FBXL13: variants seen among roughly 807,000 people sequenced by gnomAD.
FBXL13 encodes F-box and leucine-rich repeat protein 13.
In FBXL13, 67 loss-of-function variants were observed where a neutral mutation model predicts 83.6. That is an observed-to-expected ratio of 0.80 (90% CI 0.66 to 0.98). The LOEUF (loss-of-function observed/expected upper bound fraction) is 0.98, where lower values mean the gene tolerates loss of function less well. Among genes scored for constraint, FBXL13 ranks in the 50% least tolerant of loss-of-function variants. The pLI, the probability that FBXL13 is intolerant of heterozygous loss-of-function variation, is 0.00. For synonymous variants in FBXL13, 272 were observed against 299.5 expected (o/e 0.91, Z 0.95); for missense variants, 822 against 866.5 (o/e 0.95, Z 0.64).
Position 102,976,007 on chromosome 7 carries a change from C to T in FBXL13, c.496-7890G>A, listed in dbSNP as rs1281936083. 3.9e-6 allele frequency: 3 copies of T among 766,450 alleles called. No individual in the cohort carries two copies. In the East Asian group the frequency reaches 7.3e-5, roughly 19 times the overall value. 47.5% of individuals were successfully genotyped at this position (766,450 alleles called of 1,614,324 possible). ...GCCACTGGCCCACACAATGCCCAAA[C>T]CCAGGTAAACCCACGAGGCCATGCC... is the stretch of plus-strand genomic sequence containing the variant. On this transcript the variant is annotated intron_variant, in intron 6 of 19. Transcript: ENST00000313221.
At chr7:103,054,650 G>A (rs187228735) in intron 2 of FBXL13, among the ~76,000 whole-genome samples, 11 of 152,176 alleles carry the variant, frequency 7.2e-5, no homozygotes, top group Admixed American at 3.9e-4. Flanking sequence ...ATGTCATTAC[G>A]AGCATGATTC....
intron 17 of FBXL13, among the ~76,000 whole-genome samples, chr7:102,849,363 C>CT (rs557744738): frequency 6.6e-6 from 1 of 152,232 alleles, no homozygotes; most frequent in Non-Finnish European, 1.5e-5. Flanking sequence ...GACACTGACT[C>CT]TGCGTGTGCT....
intron 16 of FBXL13, among the ~76,000 whole-genome samples, chr7:102,876,048 G>C (rs545637280): frequency 6.6e-6 from 1 of 152,310 alleles, no homozygotes; most frequent in South Asian, 2.1e-4. Flanking sequence ...AGCAAGGGGA[G>C]GGTGAGTCAT....
At chr7:102,865,993 CAATT>C (rs1322643982) in intron 16 of FBXL13, among the ~76,000 whole-genome samples, 1 of 152,140 alleles carries the variant, frequency 6.6e-6, no homozygotes, top group African/African-American at 2.4e-5. Context: ...TCTACTTAAT[CAATT>C]GTTAGTATGA....
chr7:102,976,236 C>T (rs1305735553), intron 6 of FBXL13: 2 of 729,344 alleles, frequency 2.7e-6, no homozygotes, highest in Non-Finnish European at 5.1e-6. Flanking sequence ...GGCAGGTAGG[C>T]CAGTATGTTT....
chr7:102,948,307 G>A (rs537570585), intron 8 of FBXL13, among the ~76,000 whole-genome samples: 32 of 152,044 alleles, frequency 2.1e-4, no homozygotes, highest in African/African-American at 7.0e-4. Context: ...CAAATGATCC[G>A]CCCACCTCAG....
Position 102,865,524 on chromosome 7 carries a change from G to C in FBXL13, c.1636-10664C>G, listed in dbSNP as rs530545677. ...CAATATTTTATTTACTTATTTTTGTGTTTTTTTTGTTTGATTGTTTGTTTT... is the reference window on the plus strand; with the variant it reads ...CAATATTTTATTTACTTATTTTTGTCTTTTTTTTGTTTGATTGTTTGTTTT... On this transcript the variant is annotated intron_variant, in intron 16 of 19. Transcript: ENST00000313221. 3.3e-5 allele frequency among the ~76,000 whole-genome samples: 5 copies of C among 151,202 alleles called. No individual in the cohort carries two copies. The East Asian group carries it at 9.7e-4, about 29-fold the overall frequency.
chr7:102,910,447 G>A (rs1814474107), intron 11 of FBXL13, among the ~76,000 whole-genome samples: 1 of 151,182 alleles, frequency 6.6e-6, no homozygotes, highest in Non-Finnish European at 1.5e-5. Context: ...TGCTGTATGC[G>A]ATGCCTGGGA....
chr7:102,887,999 A>T (rs970823794), intron 11 of FBXL13, among the ~76,000 whole-genome samples: 6 of 152,248 alleles, frequency 3.9e-5, no homozygotes, highest in Non-Finnish European at 7.3e-5. Context: ...GCCCTTGGAC[A>T]GTTTTTGAAT....
intron 2 of FBXL13, among the ~76,000 whole-genome samples, chr7:103,051,888 G>C (rs894958553): frequency 1.3e-5 from 2 of 152,196 alleles, no homozygotes; most frequent in Non-Finnish European, 2.9e-5. Flanking sequence ...GCTGGGATTG[G>C]CCAAGTCTCA....
At chr7:102,955,206 T>C (rs1824056799) in intron 8 of FBXL13, among the ~76,000 whole-genome samples, 2 of 152,196 alleles carry the variant, frequency 1.3e-5, no homozygotes, top group Non-Finnish European at 2.9e-5. Flanking sequence ...CAGACCACAG[T>C]GTAATCAAAT....
At chr7:102,816,450 T>C (rs1473456148) in intron 19 of FBXL13, among the ~76,000 whole-genome samples, 2 of 152,164 alleles carry the variant, frequency 1.3e-5, no homozygotes, top group African/African-American at 2.4e-5. Flanking sequence ...AGAAAATCCT[T>C]AGCCGTGACT....
At chr7:102,900,534 T>C (rs1360046826) in intron 11 of FBXL13, among the ~76,000 whole-genome samples, 3 of 152,188 alleles carry the variant, frequency 2.0e-5, no homozygotes, top group Admixed American at 2.0e-4. Context: ...CATCTATGAA[T>C]TGTCAATTTT....
chr7:102,852,706 G>A (rs1229073781), intron 17 of FBXL13, among the ~76,000 whole-genome samples: 1 of 152,310 alleles, frequency 6.6e-6, no homozygotes, highest in Non-Finnish European at 1.5e-5. Flanking sequence ...TGGCAGGGAT[G>A]CAGTGAAAAG....
chr7:102,951,766 G>A (rs544050284), intron 8 of FBXL13, among the ~76,000 whole-genome samples: 1 of 134,090 alleles, frequency 7.5e-6, no homozygotes, highest in Non-Finnish European at 1.5e-5. Context: ...GATCATGCCA[G>A]TGTACTCCAG....
intron 6 of FBXL13, among the ~76,000 whole-genome samples, chr7:103,017,491 T>C (rs1276263534): frequency 6.6e-6 from 1 of 152,090 alleles, no homozygotes; most frequent in Non-Finnish European, 1.5e-5. Flanking sequence ...CTTTGACAAG[T>C]TGAGAGAAGA....
chr7:102,854,741 T>G (rs1194220199), intron 17 of FBXL13, 36 bp downstream of exon 18: 1 of 1,316,270 alleles, frequency 7.6e-7, no homozygotes, highest in Non-Finnish European at 1.0e-6. Context: ...AAAATTTCAA[T>G]CTTAATTCTT....
intron 11 of FBXL13, among the ~76,000 whole-genome samples, chr7:102,896,173 T>C (rs1812226222): frequency 1.3e-5 from 2 of 152,230 alleles, no homozygotes; most frequent in Admixed American, 6.5e-5. Context: ...CAGGGCCTTG[T>C]AGGTCCTTCC....
chr7:103,025,182 G>A, exon 6 of FBXL13: 1 of 1,597,416 alleles, frequency 6.3e-7, no homozygotes, highest in Non-Finnish European at 8.6e-7. Context: ...GCTCTTTTGA[G>A]TATTAACCTA....
Sources: gnomAD v4.1 joint callset for allele counts (sites outside exome capture counted in the v4.1 genomes callset) on GRCh38, gnomAD v4.1.1 for gene constraint, MANE v1.5 for transcripts, NCBI Gene and HGNC (gene_info 2026-07-23, HGNC 2026-07-21) for gene names.